POC1B: variants seen among roughly 807,000 people sequenced by gnomAD.
POC1B encodes the protein POC1 centriolar protein B, also known as POC1 centriolar protein homolog B.
Under a neutral mutation model 60.6 loss-of-function variants are expected in POC1B, and 44 were observed. That is an observed-to-expected ratio of 0.73 (90% CI 0.57 to 0.93). The LOEUF is 0.93. POC1B is among the 40% of genes least tolerant of loss of function. The pLI is 0.00. For synonymous variants in POC1B, 180 were observed against 198.9 expected (o/e 0.90, Z 0.80); for missense variants, 555 against 572.3 (o/e 0.97, Z 0.31).
intron 9 of POC1B, 126 bp downstream of exon 9, chr12:89,466,644 A>T: frequency 1.1e-6 from 1 of 873,886 alleles, no homozygotes; most frequent in Non-Finnish European, 1.7e-6. Flanking sequence ...ACAACTGTTT[A>T]TCAAAGTGCT....
chr12:89,429,473 C>T (rs1218955775), intron 10 of POC1B: 1 of 152,112 alleles, frequency 6.6e-6, no homozygotes, highest in Non-Finnish European at 1.5e-5. Flanking sequence ...TTTAAGATTC[C>T]TGGCTGATAG....
chr12:89,460,312 C>A (rs1247459209), intron 9 of POC1B, among the ~76,000 whole-genome samples: 2 of 151,816 alleles, frequency 1.3e-5, no homozygotes, highest in African/African-American at 4.8e-5. Flanking sequence ...AGAGTAAGAC[C>A]TTATGGAAAA....
intron 9 of POC1B, among the ~76,000 whole-genome samples, chr12:89,465,907 GATA>G (rs1882666213): frequency 6.6e-6 from 1 of 152,200 alleles, no homozygotes; most frequent in African/African-American, 2.4e-5. Flanking sequence ...AAGTGCCTGA[GATA>G]ACAGCAAAGA....
chr12:89,496,218 C>T (rs777226759), intron 3 of POC1B, among the ~76,000 whole-genome samples: 6 of 152,050 alleles, frequency 3.9e-5, no homozygotes, highest in South Asian at 2.1e-4. Flanking sequence ...CTAGATCCCT[C>T]GCATGCACAG....
chr12:89,418,394 G>A (rs766166808), downstream of POC1B, among the ~76,000 whole-genome samples: 2 of 152,178 alleles, frequency 1.3e-5, no homozygotes, highest in Non-Finnish European at 2.9e-5. Flanking sequence ...GGAATGGGAA[G>A]CCCTGAAGTG....
intron 2 of POC1B, chr12:89,502,393 C>T: frequency 6.4e-7 from 1 of 1,553,736 alleles, no homozygotes; most frequent in East Asian, 2.2e-5. Flanking sequence ...TCAAGGAAGG[C>T]CATCAGGAGG....
At chr12:89,406,364 G>A in the POC1B span, among the ~76,000 whole-genome samples, 4 of 152,132 alleles carry the variant, frequency 2.6e-5, no homozygotes, top group African/African-American at 2.4e-5. Flanking sequence ...TACACCATTT[G>A]AATACTGTTC....
intron 4 of POC1B, among the ~76,000 whole-genome samples, chr12:89,483,673 C>T (rs1309806619): frequency 6.6e-6 from 1 of 152,096 alleles, no homozygotes; most frequent in African/African-American, 2.4e-5. Flanking sequence ...TAGTAAATGA[C>T]ATCATTAAAG....
At chr12:89,428,983 T>A (rs1483904611) in intron 10 of POC1B, 1 of 152,158 alleles carries the variant, frequency 6.6e-6, no homozygotes, top group Non-Finnish European at 1.5e-5. Flanking sequence ...ATATTATTAA[T>A]CATATTGTAA....
intron 2 of POC1B, among the ~76,000 whole-genome samples, chr12:89,515,799 A>AC (rs1164992827): frequency 1.3e-5 from 2 of 152,058 alleles, no homozygotes; most frequent in Non-Finnish European, 2.9e-5. Context: ...TCTCATCCAG[A>AC]CCCATGTTCT....
chr12:89,463,316 A>G (rs1882545595), intron 9 of POC1B, among the ~76,000 whole-genome samples: 1 of 152,216 alleles, frequency 6.6e-6, no homozygotes, highest in African/African-American at 2.4e-5. Flanking sequence ...TAGAATAACT[A>G]TTTTGATGCT....
chr12:89,445,500 A>G (rs1881740386), intron 10 of POC1B, among the ~76,000 whole-genome samples: 3 of 152,222 alleles, frequency 2.0e-5, no homozygotes. Context: ...AAAACAAGAA[A>G]TGGGGAAAGG....
At chr12:89,503,343 C>T (rs1367495458) in intron 2 of POC1B, among the ~76,000 whole-genome samples, 1 of 152,274 alleles carries the variant, frequency 6.6e-6, no homozygotes, top group Admixed American at 6.5e-5. Flanking sequence ...TCTCCAGCTC[C>T]TAACCGCGAG....
rs1050185344 is a variant in POC1B at position 89,425,510 on chromosome 12, G to T, written c.1114-131C>A. Reference sequence around the variant, plus strand: ...GAAGATTTATCCCCAACTATAATAAGTTATGGAAATTACTATAATTAAATA... The same window carrying T: ...GAAGATTTATCCCCAACTATAATAATTTATGGAAATTACTATAATTAAATA... On this transcript the variant is annotated intron_variant, in intron 10 of 11. Coordinates refer to ENST00000313546, the MANE Select transcript of POC1B (RefSeq NM_172240.3). 5 of 591,106 alleles carry T rather than the reference G, an allele frequency of 8.5e-6. No individual in the cohort carries two copies. The Admixed American group carries it at 1.1e-4, about 13-fold the overall frequency. The allele number at this position is 591,106 out of a possible 1,614,324, so 36.6% of individuals were successfully genotyped here.
the POC1B span, among the ~76,000 whole-genome samples, chr12:89,403,470 A>AC: frequency 6.6e-6 from 1 of 151,890 alleles, no homozygotes; most frequent in Non-Finnish European, 1.5e-5. Context: ...GGTATGAGTG[A>AC]CCCCTTAAAG....
At chr12:89,448,725 C>T (rs774908141) in intron 10 of POC1B, among the ~76,000 whole-genome samples, 13 of 152,328 alleles carry the variant, frequency 8.5e-5, no homozygotes, top group Middle Eastern at 3.4e-3. Context: ...TGCCATATGG[C>T]ACACCTTCTG....
At chr12:89,450,991 G>T (rs947111047) in intron 10 of POC1B, among the ~76,000 whole-genome samples, 3 of 152,214 alleles carry the variant, frequency 2.0e-5, no homozygotes, top group African/African-American at 7.2e-5. Flanking sequence ...GATATTAAAT[G>T]TATGAAACTA....
At chr12:89,405,984 G>T in the POC1B span, among the ~76,000 whole-genome samples, 2 of 147,958 alleles carry the variant, frequency 1.4e-5, no homozygotes, top group Admixed American at 6.8e-5. Flanking sequence ...TGCAAGTTTT[G>T]AGTGTTTTTT....
At chr12:89,418,046 G>A (rs1487069183), downstream of POC1B, among the ~76,000 whole-genome samples, 17 of 152,196 alleles carry the variant, frequency 1.1e-4, no homozygotes, top group Admixed American at 1.1e-3. Flanking sequence ...GGGAAGACAT[G>A]TGTGAACTGA....
Sources: gnomAD v4.1 joint callset for allele counts (sites outside exome capture counted in the v4.1 genomes callset) on GRCh38, gnomAD v4.1.1 for gene constraint, MANE v1.5 for transcripts, NCBI Gene and HGNC (gene_info 2026-07-23, HGNC 2026-07-21) for gene names.